The following ULK4 variants were observed in gnomAD, a reference collection of about 807,000 sequenced individuals.
ULK4 encodes unc-51 like kinase 4.
ULK4 carries 133 observed loss-of-function variants against 160.6 expected under a neutral mutation model. The observed-to-expected ratio is 0.83, with a 90% confidence interval of 0.72 to 0.96. ULK4 has a LOEUF of 0.96. ULK4 is among the 40% of genes least tolerant of loss of function. The probability of loss-of-function intolerance (pLI) is 0.00; values close to 1 mark genes in which losing one functional copy is unlikely to be tolerated. For missense variants in ULK4, 1,580 were observed against 1,499.5 expected (o/e 1.05, Z -0.89); for synonymous variants, 534 against 539.8 (o/e 0.99, Z 0.15).
chr3:41,858,809 TTC>T (rs2042432072), intron 17 of ULK4, among the ~76,000 whole-genome samples: 1 of 145,570 alleles, frequency 6.9e-6, no homozygotes, highest in Admixed American at 6.8e-5. Context: ...CTGGCCCAAA[TTC>T]TTTTTTCCCC....
At chr3:41,783,734 TTAAAG>T (rs2039921880) in intron 21 of ULK4, among the ~76,000 whole-genome samples, 2 of 152,166 alleles carry the variant, frequency 1.3e-5, no homozygotes. Context: ...CTGATAACAA[TTAAAG>T]TAAATTAGCA....
In ULK4 at chr3:41,789,879, C is replaced by T. The variant is rs373802678; in HGVS notation, c.2011-36G>A. ...AAGAGAACAGACCTGTCAGGCAACT[C>T]CAAGTGCATCAATCATTCCCCTGAA... On this transcript the variant is annotated intron_variant, in intron 20 of 36. Coordinates refer to ENST00000301831, the MANE Select transcript of ULK4 (RefSeq NM_017886.4). 14 of 1,481,380 alleles carry T rather than the reference C, an allele frequency of 9.5e-6. 1 individual carries two copies. The South Asian group carries it at 1.9e-4, about 20-fold the overall frequency. 91.8% of individuals were successfully genotyped at this position (1,481,380 alleles called of 1,614,324 possible). A position where few individuals can be genotyped will look rare whatever the true frequency, so the allele number is the denominator to read the frequency against.
chr3:41,561,219 T>G lies in ULK4; in HGVS notation c.3226+4806A>C, dbSNP rs1367511155. The stretch of plus-strand genomic sequence containing the variant: ...TTGCATCCCAGGGACGAAGCCAACT[T>G]GATCGTGTTGGGTAAGCTTTCTGAT... On this transcript the variant is annotated intron_variant, in intron 32 of 36. Coordinates refer to ENST00000301831, the MANE Select transcript of ULK4 (RefSeq NM_017886.4). Among the ~76,000 whole-genome samples, 4 of 152,332 alleles carry G rather than the reference T, an allele frequency of 2.6e-5. No individual in the cohort carries two copies. In the East Asian group the frequency reaches 7.7e-4, roughly 29 times the overall value.
At chr3:41,925,696 G>A (rs1699359965) in intron 5 of ULK4, among the ~76,000 whole-genome samples, 1 of 152,144 alleles carries the variant, frequency 6.6e-6, no homozygotes, top group African/African-American at 2.4e-5. Context: ...AAGTTGACCT[G>A]GGACGCTCGA....
At chr3:41,531,575 A>C (rs2086321577) in intron 32 of ULK4, among the ~76,000 whole-genome samples, 1 of 152,230 alleles carries the variant, frequency 6.6e-6, no homozygotes, top group Non-Finnish European at 1.5e-5. Flanking sequence ...CTGCAAAAAA[A>C]AATATTTCTA....
At chr3:41,433,134 C>T (rs571079436) in intron 34 of ULK4, among the ~76,000 whole-genome samples, 6 of 151,980 alleles carry the variant, frequency 3.9e-5, no homozygotes, top group South Asian at 2.1e-4. Context: ...AGAGTTCTTA[C>T]GAATCAATGA....
rs544383557 is a variant in ULK4 at position 41,950,973 on chromosome 3, T to C, written c.138+3649A>G. Among the ~76,000 whole-genome samples, 5 of 151,458 alleles carry C rather than the reference T, an allele frequency of 3.3e-5. No homozygotes were observed. The South Asian group carries it at 1.0e-3, about 32-fold the overall frequency. ...TCCTGGCTAACACGGTGAAACCTCA[T>C]CTCTACTAAAAATACAAAAAATTAG... On this transcript the variant is annotated intron_variant, in intron 2 of 36. Transcript: ENST00000301831.
intron 17 of ULK4, among the ~76,000 whole-genome samples, chr3:41,866,463 A>C (rs182744809): frequency 6.6e-6 from 1 of 152,230 alleles, no homozygotes; most frequent in Non-Finnish European, 1.5e-5. Context: ...AGATTTTCAT[A>C]AAGTGTGCAC....
At chr3:41,592,354 C>A (rs1336503308) in intron 31 of ULK4, among the ~76,000 whole-genome samples, 1 of 152,148 alleles carries the variant, frequency 6.6e-6, no homozygotes, top group African/African-American at 2.4e-5. Context: ...ACCATTTCTG[C>A]CTTGCCTCAC....
intron 32 of ULK4, among the ~76,000 whole-genome samples, chr3:41,501,324 C>T (rs919190734): frequency 5.9e-5 from 9 of 152,168 alleles, no homozygotes; most frequent in Non-Finnish European, 7.4e-5. Context: ...GGTGAAACCC[C>T]GTCTCTACTA....
At chr3:41,259,980 G>A (rs1348184572) in intron 35 of ULK4, 2 of 152,170 alleles carry the variant, frequency 1.3e-5, no homozygotes, top group African/African-American at 4.8e-5. Context: ...TCACACAGGG[G>A]AGGATTATTT....
At chr3:41,929,865 A>G (rs189910814) in intron 5 of ULK4, among the ~76,000 whole-genome samples, 10 of 152,284 alleles carry the variant, frequency 6.6e-5, no homozygotes, top group Admixed American at 5.9e-4. Flanking sequence ...AAAAAATTCT[A>G]TCCTCATGGA....
intron 21 of ULK4, among the ~76,000 whole-genome samples, chr3:41,763,161 T>C (rs2039046240): frequency 6.6e-6 from 1 of 151,762 alleles, no homozygotes; most frequent in South Asian, 2.1e-4. Flanking sequence ...CAGGATAGGA[T>C]AAAAGTAGAA....
Position 41,900,767 on chromosome 3 carries a change from C to T in ULK4, c.1245G>A (p.Thr415=), listed in dbSNP as rs535211456. 6.6e-5 allele frequency: 106 copies of T among 1,613,582 alleles called. No individual in the cohort carries two copies. Among genetic ancestry groups the T allele is most frequent in the Admixed American group, 3.0e-4 (18 of 59,996 alleles). The part of the protein sequence containing the change: ...LESQMRELIY[T]DSDLVVTPII... ...TGGGGGTGACAACAAGATCTGAGTC[C>T]GTGTAGATAAGCTCTCTCATCTGGG... The change falls in exon 13 of 37, where the codon ACG becomes ACA. Residue 415 remains threonine, a synonymous_variant. Coordinates refer to ENST00000301831, the MANE Select transcript of ULK4 (RefSeq NM_017886.4).
In ULK4 at chr3:41,558,917, G is replaced by A. The variant is rs2087426410; in HGVS notation, c.3226+7108C>T. On this transcript the variant is annotated intron_variant, in intron 32 of 36. Transcript: ENST00000301831. ...ACACTTTAAGTTTTAGGGTACATGTGCACAACGTGCAGGTTAGTTACATAT... is the reference window on the plus strand; with the variant it reads ...ACACTTTAAGTTTTAGGGTACATGTACACAACGTGCAGGTTAGTTACATAT... Among the ~76,000 whole-genome samples the A allele has an allele frequency of 2.0e-5, 3 of 146,554 alleles. 1 individual carries two copies. The Admixed American group carries it at 2.1e-4, about 10-fold the overall frequency.
At chr3:41,800,769 T>C (rs1331408028) in intron 19 of ULK4, among the ~76,000 whole-genome samples, 3 of 152,176 alleles carry the variant, frequency 2.0e-5, no homozygotes, top group Non-Finnish European at 4.4e-5. Context: ...AGGAGAGTCC[T>C]AAGAAAGGTA....
chr3:41,735,220 G>A lies in ULK4; in HGVS notation c.2322-17359C>T, dbSNP rs759087148. On this transcript the variant is annotated intron_variant, in intron 22 of 36. Transcript: ENST00000301831. The stretch of plus-strand genomic sequence containing the variant: ...GCAATTAGGAGTTACAAGTGTACAG[G>A]TGAAGAGGAGAAACAGAAACATGAG... Among the ~76,000 whole-genome samples the A allele has an allele frequency of 2.0e-5, 3 of 152,318 alleles. 1 individual carries two copies. Among genetic ancestry groups the A allele is most frequent in the African/African-American group, 4.8e-5 (2 of 41,564 alleles).
At chr3:41,398,884 A>T (rs2082122156) in intron 34 of ULK4, among the ~76,000 whole-genome samples, 1 of 152,104 alleles carries the variant, frequency 6.6e-6, no homozygotes, top group Non-Finnish European at 1.5e-5. Flanking sequence ...AATGTGTAAT[A>T]ATCAAATTAG....
intron 35 of ULK4, among the ~76,000 whole-genome samples, chr3:41,291,761 C>T (rs2079570514): frequency 6.6e-6 from 1 of 151,808 alleles, no homozygotes; most frequent in African/African-American, 2.4e-5. Flanking sequence ...GTTTGTCAGC[C>T]TGGGTGCTGC....
Sources: gnomAD v4.1 joint callset for allele counts (sites outside exome capture counted in the v4.1 genomes callset) on GRCh38, gnomAD v4.1.1 for gene constraint, MANE v1.5 for transcripts, NCBI Gene and HGNC (gene_info 2026-07-23, HGNC 2026-07-21) for gene names.